Variants in TNFSF4 observed in about 807,000 individuals in gnomAD.
The protein encoded by TNFSF4 is tumor necrosis factor ligand superfamily member 4.
A neutral mutation model predicts 7.3 loss-of-function variants in TNFSF4; 4 were observed. That is an observed-to-expected ratio of 0.55 (90% CI 0.27 to 1.25). TNFSF4 has a LOEUF of 1.25. Among genes scored for constraint, TNFSF4 ranks in the 50% most tolerant of loss-of-function variants. TNFSF4 has a pLI of 0.12. For missense variants in TNFSF4, 181 were observed against 208.8 expected, an observed-to-expected ratio of 0.87 and a Z score of 0.82; for synonymous variants, 76 against 83.7, an observed-to-expected ratio of 0.91 and a Z score of 0.50.
chr1:173,233,031 G>A, the TNFSF4 span, among the ~76,000 whole-genome samples: 2 of 152,138 alleles, frequency 1.3e-5, no homozygotes, highest in Non-Finnish European at 2.9e-5. Context: ...AAACTTCTCC[G>A]AGCTAAAGGA....
the TNFSF4 span, among the ~76,000 whole-genome samples, chr1:173,352,194 G>A: frequency 6.6e-6 from 1 of 152,164 alleles, no homozygotes. Flanking sequence ...ATGCAGCCCT[G>A]CCAGTGCTCA....
the TNFSF4 span, among the ~76,000 whole-genome samples, chr1:173,249,414 A>G: frequency 6.6e-6 from 1 of 152,236 alleles, no homozygotes; most frequent in Admixed American, 6.5e-5. Flanking sequence ...AAAACTGTCC[A>G]TTCAATTTCT....
At chr1:173,250,748 C>T in the TNFSF4 span, among the ~76,000 whole-genome samples, 3 of 152,214 alleles carry the variant, frequency 2.0e-5, no homozygotes, top group East Asian at 1.9e-4. Flanking sequence ...CGTGAGCCAC[C>T]GCGCCCGGCC....
the TNFSF4 span, among the ~76,000 whole-genome samples, chr1:173,435,385 G>A: frequency 5.9e-5 from 9 of 152,190 alleles, no homozygotes; most frequent in African/African-American, 1.9e-4. Flanking sequence ...CCCCAGTGTG[G>A]CTGTATTTGG....
the TNFSF4 span, among the ~76,000 whole-genome samples, chr1:173,252,318 G>A: frequency 5.3e-5 from 8 of 152,202 alleles, no homozygotes; most frequent in Admixed American, 1.3e-4. Context: ...TTGGAAGAAC[G>A]CTTAACAGCT....
chr1:173,411,698 A>AGGC, the TNFSF4 span, among the ~76,000 whole-genome samples: 1 of 152,198 alleles, frequency 6.6e-6, no homozygotes, highest in African/African-American at 2.4e-5. Flanking sequence ...GCTACTCAGG[A>AGGC]GGCTGAAGCA....
At chr1:173,202,070 T>TATATATATACACA (rs150074641) in intron 1 of TNFSF4, among the ~76,000 whole-genome samples, 6,725 of 149,224 alleles carry the variant, frequency 0.045, 245 homozygotes, top group African/African-American at 0.09. Flanking sequence ...TATATATATA[T>TATATATATACACA]ACACACACAC....
At chr1:173,283,604 A>G in the TNFSF4 span, among the ~76,000 whole-genome samples, 5 of 152,280 alleles carry the variant, frequency 3.3e-5, no homozygotes, top group African/African-American at 1.2e-4. Context: ...AACAAAGGCA[A>G]AATAAAAACA....
chr1:173,440,242 T>G, the TNFSF4 span, among the ~76,000 whole-genome samples: 1 of 152,196 alleles, frequency 6.6e-6, no homozygotes, highest in Non-Finnish European at 1.5e-5. Context: ...GTGAAATCAC[T>G]ATGTGGGGAT....
chr1:173,401,041 T>C, the TNFSF4 span, among the ~76,000 whole-genome samples: 1 of 152,302 alleles, frequency 6.6e-6, no homozygotes, highest in East Asian at 1.9e-4. Flanking sequence ...TATACATATA[T>C]ATTTGCTTTC....
chr1:173,247,814 G>A, the TNFSF4 span, among the ~76,000 whole-genome samples: 2 of 152,084 alleles, frequency 1.3e-5, no homozygotes, highest in Non-Finnish European at 2.9e-5. Context: ...GCCAAGCTTC[G>A]TGATACATTT....
chr1:173,297,415 T>C, the TNFSF4 span, among the ~76,000 whole-genome samples: 2 of 151,902 alleles, frequency 1.3e-5, no homozygotes, highest in Non-Finnish European at 2.9e-5. Flanking sequence ...ATAAAACAAA[T>C]GTACTGTTGG....
At chr1:173,339,036 A>C in the TNFSF4 span, among the ~76,000 whole-genome samples, 1 of 152,068 alleles carries the variant, frequency 6.6e-6, no homozygotes, top group Non-Finnish European at 1.5e-5. Context: ...CATAATCCAC[A>C]CGGGACTACT....
chr1:173,319,791 A>G, the TNFSF4 span, among the ~76,000 whole-genome samples: 4 of 152,356 alleles, frequency 2.6e-5, no homozygotes, highest in African/African-American at 9.6e-5. Flanking sequence ...AAAAACTAAC[A>G]AACAGCAAGA....
At chr1:173,369,620 C>T in the TNFSF4 span, among the ~76,000 whole-genome samples, 1 of 152,054 alleles carries the variant, frequency 6.6e-6, no homozygotes, top group Admixed American at 6.5e-5. Flanking sequence ...AACAGGCTCA[C>T]CCTTGAAATG....
chr1:173,359,110 C>T, the TNFSF4 span, among the ~76,000 whole-genome samples: 1 of 152,186 alleles, frequency 6.6e-6, no homozygotes, highest in Non-Finnish European at 1.5e-5. Flanking sequence ...TGGCGTTTAA[C>T]TTTATCTTGT....
At chr1:173,305,850 A>G in the TNFSF4 span, among the ~76,000 whole-genome samples, 1 of 151,868 alleles carries the variant, frequency 6.6e-6, no homozygotes, top group Non-Finnish European at 1.5e-5. Flanking sequence ...AACTGCCTCC[A>G]TGATCCAGTC....
the TNFSF4 span, among the ~76,000 whole-genome samples, chr1:173,288,504 A>T: frequency 6.6e-6 from 1 of 152,272 alleles, no homozygotes; most frequent in Non-Finnish European, 1.5e-5. Flanking sequence ...ATTTAAACAC[A>T]ATATGATTGA....
chr1:173,178,618 T>C, the TNFSF4 span, among the ~76,000 whole-genome samples: 11 of 152,034 alleles, frequency 7.2e-5, no homozygotes, highest in Non-Finnish European at 1.6e-4. Context: ...TGAATATCAG[T>C]TTTGCTGGAT....
Sources: allele counts gnomAD v4.1 joint callset (sites outside exome capture counted in the v4.1 genomes callset), GRCh38; gene constraint gnomAD v4.1.1; transcripts MANE v1.5; gene names NCBI Gene and HGNC (gene_info 2026-07-23, HGNC 2026-07-21).